The following SLC26A3 variants were observed in gnomAD, a reference collection of about 807,000 sequenced individuals.
SLC26A3 encodes solute carrier family 26 member 3, also known as chloride anion exchanger.
SLC26A3 carries 64 observed loss-of-function variants against 85.6 expected under a neutral mutation model. The ratio of observed to expected loss-of-function variants is 0.75; its 90% confidence interval spans 0.61 to 0.92. SLC26A3 has a LOEUF of 0.92. Among genes scored for constraint, SLC26A3 ranks in the 40% least tolerant of loss-of-function variants. SLC26A3 has a pLI of 0.00. For missense variants in SLC26A3, 922 were observed against 927.3 expected (o/e 0.99, Z 0.07); for synonymous variants, 349 against 336.0 (o/e 1.04, Z -0.42).
chr7:107,766,322 G>T (rs1385927807), intron 20 of SLC26A3, among the ~76,000 whole-genome samples: 1 of 152,102 alleles, frequency 6.6e-6, no homozygotes, highest in Non-Finnish European at 1.5e-5. Flanking sequence ...TAGTGTTTGG[G>T]TCAGACATGA....
intron 8 of SLC26A3, among the ~76,000 whole-genome samples, chr7:107,784,551 C>T (rs1456123396): frequency 1.3e-5 from 2 of 152,162 alleles, no homozygotes; most frequent in African/African-American, 4.8e-5. Flanking sequence ...CCCACCTCAG[C>T]CTCCCAAGTA....
rs988632088 is a variant in SLC26A3, at chr7:107,782,720, T to C, written c.1311+77A>G. 11 of 1,330,754 alleles carry C rather than the reference T, an allele frequency of 8.3e-6. No homozygotes were observed. In the African/African-American group the frequency reaches 1.4e-4, roughly 17 times the overall value. The allele number at this position is 1,330,754 out of a possible 1,614,324, so 82.4% of individuals were successfully genotyped here. ...ATTACCTCATTTCCCCTAGTTTAGT[T>C]TGTGCTTTCAGAATTTAAGAACCGG... On this transcript the variant is annotated intron_variant, in intron 11 of 20. Coordinates refer to ENST00000340010, the MANE Select transcript of SLC26A3 (RefSeq NM_000111.3).
chr7:107,772,252 A>G (rs887422386), intron 17 of SLC26A3, 144 bp from the exon 18 acceptor site: 1 of 638,924 alleles, frequency 1.6e-6, no homozygotes, highest in South Asian at 1.8e-5. Context: ...GTGTCAGAAG[A>G]TACTAAAGTT....
Position 107,779,768 on chromosome 7 carries a change from GA to G in SLC26A3, c.1312-6del, listed in dbSNP as rs146313681. On this transcript the variant is annotated splice_polypyrimidine_tract_variant and splice_region_variant and intron_variant, in intron 11 of 20. Coordinates refer to ENST00000340010, the MANE Select transcript of SLC26A3 (RefSeq NM_000111.3). ...TGCTAAAGCTGCCAGGACGGACTGT[GA>G]AAAACACAAACATCAGATGTACTTT... 1.9e-6 allele frequency: 3 copies of G among 1,610,434 alleles called. No homozygotes were observed. Among genetic ancestry groups the G allele is most frequent in the African/African-American group, 1.3e-5 (1 of 74,944 alleles).
intron 8 of SLC26A3, among the ~76,000 whole-genome samples, chr7:107,785,762 A>G (rs1158806480): frequency 1.3e-5 from 2 of 152,234 alleles, no homozygotes; most frequent in Non-Finnish European, 2.9e-5. Context: ...TTTTTCTTTA[A>G]AAAAATAAAA....
intron 13 of SLC26A3, among the ~76,000 whole-genome samples, chr7:107,777,577 C>G (rs953480146): frequency 6.6e-6 from 1 of 151,646 alleles, no homozygotes; most frequent in South Asian, 2.1e-4. Context: ...GCGACAAGAG[C>G]GAAACTCTGT....
intron 4 of SLC26A3, 138 bp from the exon 5 acceptor site, chr7:107,791,373 A>C (rs1303235715): frequency 2.2e-6 from 2 of 915,280 alleles, no homozygotes; most frequent in Non-Finnish European, 3.6e-6. Context: ...GCACTTTGGG[A>C]GGCCGAGGCG....
chr7:107,778,058 G>A, intron 13 of SLC26A3, 117 bp downstream of exon 13: 2 of 749,370 alleles, frequency 2.7e-6, no homozygotes, highest in Non-Finnish European at 4.8e-6. Context: ...GCCCCATCCT[G>A]ATAGAAATGC....
At chr7:107,776,155 C>G (rs940276352) in intron 15 of SLC26A3, 2 of 428,410 alleles carry the variant, frequency 4.7e-6, no homozygotes, top group African/African-American at 4.0e-5. Context: ...TGTAGGATGA[C>G]ATCTACTAAA....
intron 1 of SLC26A3, among the ~76,000 whole-genome samples, chr7:107,795,734 C>G (rs1485814283): frequency 6.6e-6 from 1 of 151,996 alleles, no homozygotes; most frequent in Non-Finnish European, 1.5e-5. Context: ...AGCATTTTTT[C>G]CCTCTAATCT....
chr7:107,796,133 A>G (rs1243296015), intron 1 of SLC26A3, among the ~76,000 whole-genome samples: 1 of 151,440 alleles, frequency 6.6e-6, no homozygotes, highest in East Asian at 1.9e-4. Flanking sequence ...TATTAGAGAC[A>G]GGATCTCACT....
At chr7:107,801,161 A>C (rs73725110) in intron 1 of SLC26A3, among the ~76,000 whole-genome samples, 5,062 of 152,272 alleles carry the variant, frequency 0.033, 126 homozygotes, top group African/African-American at 0.065. Flanking sequence ...TAATTTACAG[A>C]TGAAGAAATG....
chr7:107,789,444 G>A lies in SLC26A3; in HGVS notation c.735+80C>T, dbSNP rs1168324210. On this transcript the variant is annotated intron_variant, in intron 6 of 20. Transcript: ENST00000340010. ...AACTGTAGGTAAACCCCATGGCAAA[G>A]GCATTAAAGGAAAGCTCTCTAAAAA... 6.6e-6 allele frequency: 9 copies of A among 1,372,696 alleles called. No homozygotes were observed. The Admixed American group carries it at 1.1e-4, about 17-fold the overall frequency. The allele number at this position is 1,372,696 out of a possible 1,614,324, so 85.0% of individuals were successfully genotyped here.
rs760290597 is a variant in SLC26A3, at chr7:107,786,860, A to T, written c.938T>A (p.Phe313Tyr). The change falls in exon 8 of 21, where the codon TTT becomes TAT. Residue 313 changes from phenylalanine (F) to tyrosine (Y), a missense_variant. Physicochemically the swap from Phe to Tyr is conservative, Grantham distance 22 (BLOSUM62 3). Coordinates refer to ENST00000340010, the MANE Select transcript of SLC26A3 (RefSeq NM_000111.3). ...VSYGCDFKNR[F>Y]KVAVVGDMNP... ...CATGTCCCCAACCACAGCCACTTTA[A>T]ACCTGTTTTTAAAGTCACAGCCGTA... The T allele has an allele frequency of 6.2e-7, 1 of 1,614,110 alleles. No individual in the cohort carries two copies. Among genetic ancestry groups the T allele is most frequent in the South Asian group, 1.1e-5 (1 of 91,086 alleles).
At position 107,794,469 on chromosome 7, in the gene SLC26A3, G is replaced by T. The variant is rs1562882157; in HGVS notation, c.41C>A (p.Pro14Gln). 1 of 1,613,928 alleles carries T rather than the reference G, an allele frequency of 6.2e-7. No homozygotes were observed. The highest frequency in any genetic ancestry group is 8.5e-7 in the Non-Finnish European group (1 of 1,179,888). ...PFGNQYIVARPVYSTNAFEEN... is the reference protein window; with the variant it reads ...PFGNQYIVARQVYSTNAFEEN... ...CTCAAAAGCATTTGTAGAATACACT[G>T]GCCTGGCCACAATATACTGATTCCC... The change falls in exon 2 of 21, where the codon CCA becomes CAA. Residue 14 changes from proline (P) to glutamine (Q), a missense_variant. Pro to Gln is a moderately conservative substitution (Grantham distance 76). Coordinates refer to ENST00000340010, the MANE Select transcript of SLC26A3 (RefSeq NM_000111.3).
intron 18 of SLC26A3, among the ~76,000 whole-genome samples, chr7:107,769,273 C>G (rs1301633287): frequency 1.3e-5 from 2 of 152,108 alleles, no homozygotes; most frequent in Non-Finnish European, 2.9e-5. Context: ...AAGACGCATG[C>G]ATGCATACAT....
At chr7:107,771,710 C>T (rs1358328815) in intron 18 of SLC26A3, among the ~76,000 whole-genome samples, 2 of 152,114 alleles carry the variant, frequency 1.3e-5, no homozygotes, top group Non-Finnish European at 2.9e-5. Flanking sequence ...GCAGGTGAAG[C>T]TCAACCAAAT....
rs139188030 is a variant in SLC26A3, at chr7:107,781,876, T to C, written c.1311+921A>G. The stretch of plus-strand genomic sequence containing the variant: ...TTTTATAGCCAGGAGTGTAATACAA[T>C]GTAGAATAATAATATTATTAACAAT... On this transcript the variant is annotated intron_variant, in intron 11 of 20. Coordinates refer to ENST00000340010, the MANE Select transcript of SLC26A3 (RefSeq NM_000111.3). Among the ~76,000 whole-genome samples, 1,265 of 152,284 alleles carry C rather than the reference T, an allele frequency of 8.3e-3. 19 individuals are homozygous for C. The highest frequency in any genetic ancestry group is 0.029 in the African/African-American group (1,193 of 41,562).
At chr7:107,786,944 G>T in intron 7 of SLC26A3, 35 bp from the exon 8 acceptor site, 1 of 1,544,868 alleles carries the variant, frequency 6.5e-7, no homozygotes, top group Non-Finnish European at 8.9e-7. Context: ...TTAGAAATGT[G>T]AGATGCAAGT....
Sources: gnomAD v4.1 joint callset for allele counts (sites outside exome capture counted in the v4.1 genomes callset) on GRCh38, gnomAD v4.1.1 for gene constraint, MANE v1.5 for transcripts, NCBI Gene and HGNC (gene_info 2026-07-23, HGNC 2026-07-21) for gene names.